The following TRIM2 variants were observed in gnomAD, a reference collection of about 807,000 sequenced individuals.
The protein encoded by TRIM2 is tripartite motif-containing protein 2.
A neutral mutation model predicts 75.2 loss-of-function variants in TRIM2; 20 were observed. The ratio of observed to expected loss-of-function variants is 0.27; its 90% CI spans 0.19 to 0.39. The LOEUF (loss-of-function observed/expected upper bound fraction) is 0.39, where lower values mean the gene tolerates loss of function less well. Among genes scored for constraint, TRIM2 ranks in the 10% least tolerant of loss-of-function variants. The probability of loss-of-function intolerance (pLI) is 1.00; values close to 1 mark genes in which losing one functional copy is unlikely to be tolerated. For synonymous variants in TRIM2, 373 were observed against 388.3 expected, an observed-to-expected ratio of 0.96 and a Z score of 0.46; for missense variants, 660 against 990.8, an observed-to-expected ratio of 0.67 and a Z score of 4.48.
chr4:153,186,817 A>C (rs1732645493), intron 1 of TRIM2, among the ~76,000 whole-genome samples: 1 of 152,158 alleles, frequency 6.6e-6, no homozygotes. Flanking sequence ...CCAGAGGGAG[A>C]ATATGAGAAA....
At chr4:153,189,536 TATG>T in intron 1 of TRIM2, among the ~76,000 whole-genome samples, 1 of 152,236 alleles carries the variant, frequency 6.6e-6, no homozygotes, top group South Asian at 2.1e-4. Flanking sequence ...GAATGGGGAT[TATG>T]GTGTCTGGGA....
In TRIM2 at chr4:153,284,811, T is replaced by G. The variant is rs1422387663; in HGVS notation, c.454-8171T>G. ...GTTGTTTATCTTTTTGTTGTTGAGT[T>G]GTAGAATTTTTAATATGTTCTGGAT... On this transcript the variant is annotated intron_variant, in intron 3 of 11. Coordinates refer to ENST00000338700, the MANE Select transcript of TRIM2 (RefSeq NM_015271.5). Among the ~76,000 whole-genome samples, 5 of 152,246 alleles carry G rather than the reference T, an allele frequency of 3.3e-5. No individual in the cohort carries two copies. The South Asian group carries it at 1.0e-3, about 32-fold the overall frequency.
At chr4:153,263,146 A>G (rs1204007931) in intron 1 of TRIM2, among the ~76,000 whole-genome samples, 1 of 152,120 alleles carries the variant, frequency 6.6e-6, no homozygotes, top group Non-Finnish European at 1.5e-5. Flanking sequence ...GCTGTGCAAC[A>G]TAGTGGCACC....
At chr4:153,296,062 C>T (rs372741932) in intron 6 of TRIM2, 26 bp downstream of exon 6, 8 of 1,511,830 alleles carry the variant, frequency 5.3e-6, no homozygotes, top group Admixed American at 2.3e-5. Flanking sequence ...CTGTGCCCGA[C>T]GCCTGAGCTG....
At chr4:153,314,708 T>G (rs985582682) in intron 6 of TRIM2, among the ~76,000 whole-genome samples, 14 of 152,064 alleles carry the variant, frequency 9.2e-5, no homozygotes, top group Non-Finnish European at 2.1e-4. Flanking sequence ...TTTTATAATT[T>G]CAGGAAGAAT....
chr4:153,166,116 TA>T (rs58499126), intron 1 of TRIM2, among the ~76,000 whole-genome samples: 3,061 of 152,088 alleles, frequency 0.02, 49 homozygotes, highest in Non-Finnish European at 0.031. Flanking sequence ...TGTTCTTTTT[TA>T]AAAAAAAATC....
At chr4:153,166,325 G>A (rs906142984) in intron 1 of TRIM2, among the ~76,000 whole-genome samples, 2 of 151,934 alleles carry the variant, frequency 1.3e-5, no homozygotes, top group Non-Finnish European at 2.9e-5. Context: ...CTGTCCATTC[G>A]TATTTAAGAG....
intron 1 of TRIM2, among the ~76,000 whole-genome samples, chr4:153,165,642 G>C (rs1730224012): frequency 6.6e-6 from 1 of 152,138 alleles, no homozygotes; most frequent in Non-Finnish European, 1.5e-5. Flanking sequence ...AGTTTGGCTA[G>C]ATATAGAATC....
rs114284467 is a variant in TRIM2, at chr4:153,291,295, G to A, written c.454-1687G>A. On this transcript the variant is annotated intron_variant, in intron 3 of 11. Transcript: ENST00000338700. ...TAACATAGTGAGTCTTAATGAGGAA[G>A]GAGGTGTCCCTTGGTTGGTCTTACA... Among the ~76,000 whole-genome samples the A allele has an allele frequency of 7.4e-3, 1,134 of 152,256 alleles. 13 individuals carry two copies. The highest frequency in any genetic ancestry group is 0.025 in the African/African-American group (1,028 of 41,558).
At chr4:153,169,821 G>A (rs879466903) in intron 1 of TRIM2, among the ~76,000 whole-genome samples, 5 of 152,238 alleles carry the variant, frequency 3.3e-5, no homozygotes, top group Admixed American at 6.5e-5. Flanking sequence ...AAATGTCTAC[G>A]TGTGGCATCT....
chr4:153,295,240 C>A lies in TRIM2; in HGVS notation c.787-73C>A, dbSNP rs976409618. The A allele has an allele frequency of 1.4e-6, 2 of 1,460,560 alleles. No individual in the cohort carries two copies. Among genetic ancestry groups the A allele is most frequent in the Non-Finnish European group, 1.8e-6 (2 of 1,106,174 alleles). The allele number at this position is 1,460,560 out of a possible 1,614,324, so 90.5% of individuals were successfully genotyped here. On this transcript the variant is annotated intron_variant, in intron 5 of 11. Coordinates refer to ENST00000338700, the MANE Select transcript of TRIM2 (RefSeq NM_015271.5). The surrounding 1 kb of genome is among the most constrained non-coding windows in gnomAD (Gnocchi z 7.2). Reference sequence around the variant, plus strand: ...GGCAGGTGTAGAGTCTCCTTCTCGCCGGTGGAGGGCACTGCCCCGGGCTAG... The same window carrying A: ...GGCAGGTGTAGAGTCTCCTTCTCGCAGGTGGAGGGCACTGCCCCGGGCTAG...
intron 1 of TRIM2, among the ~76,000 whole-genome samples, chr4:153,244,155 T>C (rs6838304): frequency 4.2e-4 from 58 of 137,532 alleles, no homozygotes; most frequent in East Asian, 2.1e-3. Context: ...TTCTTCTTGT[T>C]CTTCTTCTTC....
chr4:153,242,504 G>C (rs73854615), intron 1 of TRIM2, among the ~76,000 whole-genome samples: 1 of 152,016 alleles, frequency 6.6e-6, no homozygotes, highest in African/African-American at 2.4e-5. Flanking sequence ...CCTGCTGTTC[G>C]ACCTTGGTGT....
intron 1 of TRIM2, among the ~76,000 whole-genome samples, chr4:153,214,651 T>C (rs1422758799): frequency 6.6e-6 from 1 of 152,212 alleles, no homozygotes; most frequent in African/African-American, 2.4e-5. Flanking sequence ...AACACATGCC[T>C]CTTTCGTATT....
In TRIM2 at chr4:153,317,127, G is replaced by A. The variant is rs376010406; in HGVS notation, c.1782+1128G>A. 1.5e-4 allele frequency among the ~76,000 whole-genome samples: 23 copies of A among 149,976 alleles called. No homozygotes were observed. In the East Asian group the frequency reaches 3.0e-3, roughly 20 times the overall value. On this transcript the variant is annotated intron_variant, in intron 8 of 11. Transcript: ENST00000338700. ...GATCTCCTGACCTCATGATCCGCCC[G>A]CCTCGGCCTCCCAAAGTGCTGGGAT...
At chr4:153,320,371 G>T (rs1291924317) in intron 8 of TRIM2, among the ~76,000 whole-genome samples, 2 of 152,132 alleles carry the variant, frequency 1.3e-5, no homozygotes, top group Non-Finnish European at 2.9e-5. Context: ...GTCCCATCCT[G>T]CTACTAGAAA....
At chr4:153,190,094 G>A (rs1427794594) in intron 1 of TRIM2, among the ~76,000 whole-genome samples, 1 of 152,132 alleles carries the variant, frequency 6.6e-6, no homozygotes, top group African/African-American at 2.4e-5. Context: ...AATTCCTTTC[G>A]GCTTGCAGAT....
intron 1 of TRIM2, among the ~76,000 whole-genome samples, chr4:153,259,638 T>C (rs185704297): frequency 1.2e-4 from 18 of 152,368 alleles, no homozygotes; most frequent in Admixed American, 8.5e-4. Context: ...GATTTGCACA[T>C]ACCTGTGATA....
intron 1 of TRIM2, among the ~76,000 whole-genome samples, chr4:153,229,450 G>T (rs915008294): frequency 2.6e-5 from 4 of 152,108 alleles, no homozygotes; most frequent in Non-Finnish European, 5.9e-5. Flanking sequence ...TAGAGACAGG[G>T]TTTTGCCGTG....
Sources: gnomAD v4.1 joint callset for allele counts (sites outside exome capture counted in the v4.1 genomes callset) on GRCh38, gnomAD v4.1.1 for gene constraint, Gnocchi (gnomAD v3.1) non-coding constraint, MANE v1.5 for transcripts, NCBI Gene and HGNC (gene_info 2026-07-23, HGNC 2026-07-21) for gene names.